The following FAM193A variants were observed in gnomAD, a reference collection of about 807,000 sequenced individuals.
FAM193A encodes family with sequence similarity 193 member A.
Under a neutral mutation model 126.5 loss-of-function variants are expected in FAM193A, and 22 were observed. The ratio of observed to expected loss-of-function variants is 0.17; its 90% CI spans 0.12 to 0.25. The LOEUF (loss-of-function observed/expected upper bound fraction) is 0.25. Among genes scored for constraint, FAM193A ranks in the 10% least tolerant of loss-of-function variants. FAM193A has a pLI of 1.00. For missense variants in FAM193A, 1,675 were observed against 1,672.8 expected (o/e 1.00, Z -0.02); for synonymous variants, 761 against 646.8 (o/e 1.18, Z -2.68).
chr4:2,609,662 G>T (rs1008173746), intron 2 of FAM193A, among the ~76,000 whole-genome samples: 1 of 152,318 alleles, frequency 6.6e-6, no homozygotes, highest in South Asian at 2.1e-4. Flanking sequence ...GGCCTAGGCC[G>T]ATCACGCCTG....
At position 2,539,731 on chromosome 4, in the gene FAM193A, A is replaced by G. The variant is rs182697105; in HGVS notation, c.255+2561A>G. Among the ~76,000 whole-genome samples the G allele has an allele frequency of 1.9e-4, 29 of 152,048 alleles. No individual in the cohort carries two copies. In the East Asian group the frequency reaches 4.8e-3, roughly 25 times the overall value. Reference sequence around the variant, plus strand: ...CTATCAAGGTTTTTGACCATGACCCACTCTTATGACCCACTCCAAGAAATA... The same window carrying G: ...CTATCAAGGTTTTTGACCATGACCCGCTCTTATGACCCACTCCAAGAAATA... On this transcript the variant is annotated intron_variant, in intron 1 of 20. Coordinates refer to ENST00000637812, the MANE Select transcript of FAM193A (RefSeq NM_001366318.2).
chr4:2,647,097 C>G (rs1745224443), intron 7 of FAM193A, among the ~76,000 whole-genome samples: 2 of 152,140 alleles, frequency 1.3e-5, no homozygotes, highest in African/African-American at 4.8e-5. Context: ...CTGGGCACAC[C>G]TGCTGTCACT....
rs964458441 is a variant in FAM193A, at chr4:2,732,505, A to G, written c.*637A>G. 8 of 152,778 alleles carry G rather than the reference A, an allele frequency of 5.2e-5. No homozygotes were observed. The highest frequency in any genetic ancestry group is 1.9e-4 in the African/African-American group (8 of 41,452). The allele number at this position is 152,778 out of a possible 1,614,324, so 9.5% of individuals were successfully genotyped here. A position where few individuals can be genotyped will look rare whatever the true frequency, so the allele number is the denominator to read the frequency against. Reference sequence around the variant, plus strand: ...GGAGGCCTGCCTGGCTACTTTTTTAACATATTGTTAAGTAATATTAAAATC... The same window carrying G: ...GGAGGCCTGCCTGGCTACTTTTTTAGCATATTGTTAAGTAATATTAAAATC... On this transcript the variant is annotated 3_prime_UTR_variant, in exon 21 of 21. Transcript: ENST00000637812.
intron 20 of FAM193A, among the ~76,000 whole-genome samples, chr4:2,717,398 C>G (rs551242083): frequency 1.3e-5 from 2 of 152,100 alleles, no homozygotes; most frequent in African/African-American, 4.8e-5. Flanking sequence ...GAGTTCGAGA[C>G]GAGCCTGGCC....
At chr4:2,581,255 C>CTTTTTT (rs34915273) in intron 1 of FAM193A, among the ~76,000 whole-genome samples, 1 of 135,916 alleles carries the variant, frequency 7.4e-6, no homozygotes, top group African/African-American at 2.7e-5. Flanking sequence ...TTCTTTCTTT[C>CTTTTTT]TTTTTTTTTT....
intron 2 of FAM193A, among the ~76,000 whole-genome samples, chr4:2,604,124 T>C (rs970938819): frequency 6.6e-6 from 1 of 152,134 alleles, no homozygotes; most frequent in Non-Finnish European, 1.5e-5. Flanking sequence ...ATTACAGGGG[T>C]GAGCCACCAC....
intron 1 of FAM193A, among the ~76,000 whole-genome samples, chr4:2,578,889 A>AGGC (rs956928453): frequency 2.0e-5 from 3 of 151,590 alleles, no homozygotes; most frequent in African/African-American, 4.9e-5. Flanking sequence ...GAGGAGGAGG[A>AGGC]GGCGGAAGAG....
chr4:2,674,099 C>T (rs1290061931), intron 13 of FAM193A, among the ~76,000 whole-genome samples: 1 of 152,204 alleles, frequency 6.6e-6, no homozygotes, highest in African/African-American at 2.4e-5. Flanking sequence ...CTTCAGCAAA[C>T]TGAAGACTAT....
intron 15 of FAM193A, among the ~76,000 whole-genome samples, chr4:2,692,698 G>A (rs1716538627): frequency 6.6e-6 from 1 of 152,208 alleles, no homozygotes; most frequent in African/African-American, 2.4e-5. Context: ...AGAGAAAAGG[G>A]TTGGAAGAGG....
intron 13 of FAM193A, among the ~76,000 whole-genome samples, chr4:2,684,810 G>T (rs1325312794): frequency 1.3e-5 from 2 of 152,162 alleles, no homozygotes; most frequent in Non-Finnish European, 2.9e-5. Context: ...ATAGCAGTTG[G>T]TTACCAAAGT....
intron 2 of FAM193A, among the ~76,000 whole-genome samples, chr4:2,607,131 CT>C (rs1741595607): frequency 6.6e-6 from 1 of 152,228 alleles, no homozygotes. Flanking sequence ...AATAAATGCT[CT>C]GTGTATACTT....
intron 1 of FAM193A, among the ~76,000 whole-genome samples, chr4:2,559,712 C>T (rs544529672): frequency 7.3e-4 from 111 of 152,266 alleles, no homozygotes; most frequent in African/African-American, 2.4e-3. Flanking sequence ...TGCCTTTGTA[C>T]GTGAGCACCA....
chr4:2,729,617 T>C (rs903432522), intron 20 of FAM193A, among the ~76,000 whole-genome samples: 8 of 152,168 alleles, frequency 5.3e-5, no homozygotes, highest in African/African-American at 1.9e-4. Flanking sequence ...GAGGCAATAA[T>C]TGAGGCTGCT....
rs558643271 is a variant in FAM193A at position 2,583,311 on chromosome 4, T to C, written c.256-12773T>C. Among the ~76,000 whole-genome samples the C allele has an allele frequency of 3.9e-5, 6 of 152,330 alleles. No homozygotes were observed. In the East Asian group the frequency reaches 1.2e-3, roughly 29 times the overall value. ...TAGACATGTCTGGTAACCCTGGATT[T>C]CAGAGGTGCAGCTGTCTCAGTTCTT... On this transcript the variant is annotated intron_variant, in intron 1 of 20. Transcript: ENST00000637812.
intron 20 of FAM193A, among the ~76,000 whole-genome samples, chr4:2,730,971 C>T (rs151016689): frequency 1.3e-3 from 204 of 152,008 alleles, no homozygotes; most frequent in African/African-American, 4.8e-3. Flanking sequence ...CCGAGGCAGG[C>T]GGATCACTTT....
intron 1 of FAM193A, among the ~76,000 whole-genome samples, chr4:2,568,945 TC>T (rs1446717055): frequency 5.3e-5 from 8 of 151,422 alleles, no homozygotes; most frequent in Non-Finnish European, 1.0e-4. Flanking sequence ...GGTTACTCAT[TC>T]AGATTTCTTT....
chr4:2,602,127 C>G (rs1741234463), intron 2 of FAM193A, among the ~76,000 whole-genome samples: 1 of 152,078 alleles, frequency 6.6e-6, no homozygotes, highest in African/African-American at 2.4e-5. Context: ...GCGTGAGCCA[C>G]TGCACCCAGG....
chr4:2,569,111 A>C lies in FAM193A; in HGVS notation c.256-26973A>C, dbSNP rs537343435. On this transcript the variant is annotated intron_variant, in intron 1 of 20. Coordinates refer to ENST00000637812, the MANE Select transcript of FAM193A (RefSeq NM_001366318.2). ...CAGCCTCCTGAGTAACTGGGACTAC[A>C]GGTGTGCATCACCGCACCTGGGTAA... Among the ~76,000 whole-genome samples, 14 of 151,688 alleles carry C rather than the reference A, an allele frequency of 9.2e-5. No homozygotes were observed. The East Asian group carries it at 2.5e-3, about 27-fold the overall frequency.
intron 6 of FAM193A, among the ~76,000 whole-genome samples, chr4:2,642,681 T>TC (rs1744755428): frequency 6.6e-6 from 1 of 151,594 alleles, no homozygotes; most frequent in Non-Finnish European, 1.5e-5. Flanking sequence ...CGTCAGCCTG[T>TC]CAGACTGTGG....
Sources: gnomAD v4.1 joint callset for allele counts (sites outside exome capture counted in the v4.1 genomes callset) on GRCh38, gnomAD v4.1.1 for gene constraint, MANE v1.5 for transcripts, NCBI Gene and HGNC (gene_info 2026-07-23, HGNC 2026-07-21) for gene names.